The following TMPRSS15 variants were observed in gnomAD, a reference collection of about 807,000 sequenced individuals.
The protein encoded by TMPRSS15 is enteropeptidase.
TMPRSS15 carries 128 observed loss-of-function variants against 125.3 expected under a neutral mutation model. The ratio of observed to expected loss-of-function variants is 1.02; its 90% CI spans 0.89 to 1.18. The LOEUF (loss-of-function observed/expected upper bound fraction) is 1.18. Among genes scored for constraint, TMPRSS15 ranks in the 50% most tolerant of loss-of-function variants. TMPRSS15 has a pLI of 0.00. For missense variants in TMPRSS15, 1,283 were observed against 1,212.7 expected (o/e 1.06, Z -0.86); for synonymous variants, 446 against 423.2 (o/e 1.05, Z -0.66).
rs1420161094 is a variant in TMPRSS15 at position 18,475,478 on chromosome 21, GCTACTCAGTAGTC to G, written c.10+10308_10+10320del. Among the ~76,000 whole-genome samples, 683 of 152,194 alleles carry G rather than the reference GCTACTCAGTAGTC, an allele frequency of 4.5e-3. 8 individuals carry two copies. Among genetic ancestry groups the G allele is most frequent in the African/African-American group, 0.016 (656 of 41,542 alleles). ...GTGGTGTCGCGGGCCTGTAGTCCCA[GCTACTCAGTAGTC>G]CGAGGTGGGAGGATCACTTGAACCC... is the stretch of plus-strand genomic sequence containing the variant. On this transcript the variant is annotated intron_variant, in intron 1 of 7. Transcript: ENST00000422787.
chr21:18,307,651 AC>A (rs2075051773), intron 18 of TMPRSS15, among the ~76,000 whole-genome samples: 1 of 151,988 alleles, frequency 6.6e-6, no homozygotes, highest in Non-Finnish European at 1.5e-5. Context: ...TAGATTTCTG[AC>A]CCAGGAATAA....
At chr21:18,431,377 G>A (rs1454175630) in intron 1 of TMPRSS15, among the ~76,000 whole-genome samples, 2 of 152,078 alleles carry the variant, frequency 1.3e-5, no homozygotes, top group African/African-American at 4.8e-5. Flanking sequence ...ACCATATTAT[G>A]TAAAGTTTTA....
rs537647275 is a variant in TMPRSS15 at position 18,295,205 on chromosome 21, A to C, written c.2262-553T>G. On this transcript the variant is annotated intron_variant, in intron 19 of 24. Transcript: ENST00000284885. The stretch of plus-strand genomic sequence containing the variant: ...TTTCAAGGAAGGCAGACACGTAAGA[A>C]GCACATATAAAAGAAAGCACAGGCA... Among the ~76,000 whole-genome samples the C allele has an allele frequency of 9.8e-4, 149 of 152,348 alleles. 1 individual carries two copies. The highest frequency in any genetic ancestry group is 2.9e-3 in the African/African-American group (120 of 41,584).
At chr21:18,287,310 T>A (rs2074776962) in intron 21 of TMPRSS15, among the ~76,000 whole-genome samples, 1 of 152,152 alleles carries the variant, frequency 6.6e-6, no homozygotes, top group South Asian at 2.1e-4. Context: ...CAGTGGTTCC[T>A]CATAACAGCC....
chr21:18,468,798 C>T (rs1203401495), intron 1 of TMPRSS15, among the ~76,000 whole-genome samples: 1 of 152,082 alleles, frequency 6.6e-6, no homozygotes, highest in Non-Finnish European at 1.5e-5. Context: ...TTTTAATTTA[C>T]CCTCTATCAT....
At chr21:18,390,473 A>G (rs57497758) in intron 3 of TMPRSS15, among the ~76,000 whole-genome samples, 1 of 152,218 alleles carries the variant, frequency 6.6e-6, no homozygotes, top group Non-Finnish European at 1.5e-5. Flanking sequence ...GACTTTATAG[A>G]ATACATATGC....
chr21:18,410,216 T>G (rs1204135772), intron 1 of TMPRSS15, among the ~76,000 whole-genome samples: 1 of 151,672 alleles, frequency 6.6e-6, no homozygotes, highest in Non-Finnish European at 1.5e-5. Flanking sequence ...ATGGCCCATA[T>G]TTCCTTCTCT....
chr21:18,381,019 G>A (rs1369906857), intron 4 of TMPRSS15, among the ~76,000 whole-genome samples: 5 of 152,166 alleles, frequency 3.3e-5, no homozygotes, highest in African/African-American at 1.2e-4. Flanking sequence ...TGGTATATAA[G>A]TAAAAAGTGC....
intron 7 of TMPRSS15, among the ~76,000 whole-genome samples, chr21:18,362,599 A>G (rs1344343966): frequency 1.3e-5 from 2 of 152,174 alleles, no homozygotes; most frequent in African/African-American, 4.8e-5. Flanking sequence ...TTGTTATAAT[A>G]TTAGATATTT....
chr21:18,307,390 A>G (rs1201576743), intron 18 of TMPRSS15, among the ~76,000 whole-genome samples: 1 of 152,178 alleles, frequency 6.6e-6, no homozygotes, highest in East Asian at 1.9e-4. Flanking sequence ...GGATCAGTGA[A>G]CTAGAGAGTA....
intron 14 of TMPRSS15, 100 bp from the exon 15 acceptor site, chr21:18,329,394 A>AT (rs961370182): frequency 2.4e-5 from 31 of 1,272,376 alleles, no homozygotes; most frequent in Admixed American, 5.5e-5. Context: ...AAAAAAATCA[A>AT]TTTTTTTTCC....
intron 3 of TMPRSS15, among the ~76,000 whole-genome samples, chr21:18,392,618 A>G (rs2076000167): frequency 6.6e-6 from 1 of 152,096 alleles, no homozygotes; most frequent in African/African-American, 2.4e-5. Flanking sequence ...TGTCACTTCC[A>G]CATTTTCGGT....
intron 24 of TMPRSS15, among the ~76,000 whole-genome samples, chr21:18,271,605 T>C (rs944533386): frequency 3.9e-5 from 6 of 152,282 alleles, no homozygotes; most frequent in Middle Eastern, 3.4e-3. Flanking sequence ...CTTTTCTTTT[T>C]TTTTTACATT....
intron 4 of TMPRSS15, among the ~76,000 whole-genome samples, chr21:18,381,400 C>A (rs1282917584): frequency 6.6e-6 from 1 of 152,034 alleles, no homozygotes; most frequent in East Asian, 1.9e-4. Context: ...GTATTATACA[C>A]AACTTCAAGA....
intron 1 of TMPRSS15, among the ~76,000 whole-genome samples, chr21:18,478,639 C>A (rs552589747): frequency 1.3e-5 from 2 of 152,112 alleles, no homozygotes; most frequent in East Asian, 1.9e-4. Context: ...TCTCTCCAGT[C>A]TCCTCTAATC....
chr21:18,438,467 A>G (rs1355681581), intron 1 of TMPRSS15, among the ~76,000 whole-genome samples: 1 of 152,186 alleles, frequency 6.6e-6, no homozygotes, highest in South Asian at 2.1e-4. Context: ...CCTAAAACTT[A>G]AAGTATAATA....
At position 18,269,436 on chromosome 21, in the gene TMPRSS15, T is replaced by C. The variant is rs2074527428; in HGVS notation, c.*533A>G. The C allele has an allele frequency of 6.5e-6, 1 of 153,282 alleles. No individual in the cohort carries two copies. Among genetic ancestry groups the C allele is most frequent in the Non-Finnish European group, 1.5e-5 (1 of 68,872 alleles). The allele number at this position is 153,282 out of a possible 1,614,324, so 9.5% of individuals were successfully genotyped here. On this transcript the variant is annotated 3_prime_UTR_variant, in exon 25 of 25. Transcript: ENST00000284885. ...ATAAGCTTACAATAAATAGTTTCTA[T>C]TGGTTGGGAAAATACTAAGGTTATG...
upstream of TMPRSS15, among the ~76,000 whole-genome samples, chr21:18,408,258 A>C (rs2076157515): frequency 6.6e-6 from 1 of 152,210 alleles, no homozygotes; most frequent in Non-Finnish European, 1.5e-5. Flanking sequence ...GAGTTCCTAA[A>C]GATTAAAGCC....
intron 1 of TMPRSS15, among the ~76,000 whole-genome samples, chr21:18,451,555 T>C (rs962483029): frequency 3.3e-5 from 5 of 152,210 alleles, no homozygotes; most frequent in African/African-American, 1.2e-4. Context: ...TTTAAGCTGC[T>C]TTGGGGACAG....
Sources: gnomAD v4.1 joint callset for allele counts (sites outside exome capture counted in the v4.1 genomes callset) on GRCh38, gnomAD v4.1.1 for gene constraint, MANE v1.5 for transcripts, NCBI Gene and HGNC (gene_info 2026-07-23, HGNC 2026-07-21) for gene names.